Variants in RGS5 observed in about 807,000 individuals in gnomAD.
The protein encoded by RGS5 is regulator of G protein signaling 5.
In RGS5, 20 loss-of-function variants were observed where a neutral mutation model predicts 18.9. The ratio of observed to expected loss-of-function variants is 1.06; its 90% CI spans 0.74 to 1.54. The LOEUF (loss-of-function observed/expected upper bound fraction) is 1.54, where lower values mean the gene tolerates loss of function less well. Ranked by LOEUF, RGS5 falls within the 40% of genes most tolerant of loss-of-function variation. The pLI is 0.00. For missense variants in RGS5, 201 were observed against 211.8 expected (o/e 0.95, Z 0.32); for synonymous variants, 57 against 76.2 (o/e 0.75, Z 1.31).
chr1:163,163,068 T>G (rs1457128663), intron 2 of RGS5, among the ~76,000 whole-genome samples: 2 of 152,076 alleles, frequency 1.3e-5, no homozygotes, highest in Non-Finnish European at 2.9e-5. Flanking sequence ...TTATTCAGAT[T>G]TGCAGCTTTG....
At chr1:163,296,503 A>C (rs1400509073) in intron 2 of RGS5, among the ~76,000 whole-genome samples, 1 of 152,184 alleles carries the variant, frequency 6.6e-6, no homozygotes, top group Non-Finnish European at 1.5e-5. Context: ...GATAAATCAT[A>C]ACAGCTCATG....
At chr1:163,243,517 GGCGCCTGTAGTCCCA>G (rs1428177207) in intron 2 of RGS5, among the ~76,000 whole-genome samples, 2 of 151,580 alleles carry the variant, frequency 1.3e-5, no homozygotes, top group African/African-American at 4.8e-5. Flanking sequence ...CTTGGTGGCG[GGCGCCTGTAGTCCCA>G]GCTACTCGGG....
chr1:163,252,319 T>A (rs182212505), intron 2 of RGS5, among the ~76,000 whole-genome samples: 1 of 152,228 alleles, frequency 6.6e-6, no homozygotes, highest in Non-Finnish European at 1.5e-5. Context: ...TCTTTATATA[T>A]TCTACATAAA....
At chr1:163,188,178 C>G (rs1659174299) in intron 1 of RGS5, among the ~76,000 whole-genome samples, 1 of 152,110 alleles carries the variant, frequency 6.6e-6, no homozygotes, top group South Asian at 2.1e-4. Context: ...GATGGTAGAT[C>G]TGACTCCTGA....
chr1:163,218,604 T>A (rs1270733405), upstream of RGS5, among the ~76,000 whole-genome samples: 2 of 151,578 alleles, frequency 1.3e-5, no homozygotes, highest in Non-Finnish European at 2.9e-5. Context: ...AAAATAAAAA[T>A]AAAAAATAGA....
intron 2 of RGS5, among the ~76,000 whole-genome samples, chr1:163,225,463 T>G (rs902631337): frequency 7.2e-5 from 11 of 152,148 alleles, no homozygotes; most frequent in Non-Finnish European, 1.5e-4. Context: ...TTGAAAATAT[T>G]GACCTTCTGG....
At chr1:163,288,077 A>T (rs1258255553) in intron 2 of RGS5, among the ~76,000 whole-genome samples, 2 of 152,120 alleles carry the variant, frequency 1.3e-5, no homozygotes, top group Non-Finnish European at 2.9e-5. Context: ...TAGAAATTAG[A>T]TAAATTTAAA....
At chr1:163,232,795 C>G (rs1647515248) in intron 2 of RGS5, among the ~76,000 whole-genome samples, 1 of 152,108 alleles carries the variant, frequency 6.6e-6, no homozygotes, top group African/African-American at 2.4e-5. Flanking sequence ...ATTTGAAGAT[C>G]AGCAGAAAAT....
chr1:163,317,826 G>A (rs1188779428), intron 1 of RGS5, among the ~76,000 whole-genome samples: 1 of 150,910 alleles, frequency 6.6e-6, no homozygotes, highest in Non-Finnish European at 1.5e-5. Context: ...ATCAAGCATG[G>A]AGCCAATAAG....
chr1:163,226,232 C>T lies in RGS5; in HGVS notation c.-280-57864G>A, dbSNP rs149012746. Among the ~76,000 whole-genome samples the T allele has an allele frequency of 3.7e-3, 556 of 152,060 alleles. 3 individuals carry two copies. The highest frequency in any genetic ancestry group is 4.1e-3 in the Non-Finnish European group (280 of 67,990). On this transcript the variant is annotated intron_variant, in intron 2 of 5. Coordinates refer to the RGS5 transcript ENST00000618415. Reference sequence around the variant, plus strand: ...ACCGCACCCAGCCAGAGGTCAAAATCGCAAGTAATTTTAAGAGAAAGGATT... The same window carrying T: ...ACCGCACCCAGCCAGAGGTCAAAATTGCAAGTAATTTTAAGAGAAAGGATT...
chr1:163,249,568 A>T (rs1027654151), intron 2 of RGS5, among the ~76,000 whole-genome samples: 1 of 152,254 alleles, frequency 6.6e-6, no homozygotes, highest in Non-Finnish European at 1.5e-5. Context: ...AGGCGAGCGG[A>T]TCACCTGAGG....
chr1:163,155,930 C>T (rs890696667), intron 3 of RGS5, among the ~76,000 whole-genome samples: 4 of 152,104 alleles, frequency 2.6e-5, no homozygotes, highest in Non-Finnish European at 5.9e-5. Flanking sequence ...TTCCAGAGTT[C>T]GCCCTAATGA....
intron 2 of RGS5, among the ~76,000 whole-genome samples, chr1:163,298,763 C>A (rs1357779389): frequency 6.6e-6 from 1 of 152,052 alleles, no homozygotes; most frequent in Non-Finnish European, 1.5e-5. Context: ...CTATCTTCAG[C>A]CACTTAAGGG....
rs559763771 is a variant in RGS5, at chr1:163,185,469, C to T, written c.45-17101G>A. Among the ~76,000 whole-genome samples the T allele has an allele frequency of 9.2e-5, 14 of 152,296 alleles. 1 individual carries two copies. Among genetic ancestry groups the T allele is most frequent in the African/African-American group, 3.4e-4 (14 of 41,558 alleles). The stretch of plus-strand genomic sequence containing the variant: ...AGCTTCCCTTTCACGTAATCATATT[C>T]CATCAAGAGTCCAGTTATCCTCTCA... On this transcript the variant is annotated intron_variant, in intron 1 of 4. Coordinates refer to ENST00000313961, the MANE Select transcript of RGS5 (RefSeq NM_003617.4).
intron 1 of RGS5, among the ~76,000 whole-genome samples, chr1:163,317,793 T>C (rs1230671491): frequency 6.6e-6 from 1 of 152,202 alleles, no homozygotes; most frequent in Admixed American, 6.5e-5. Context: ...ACTTGTTTTT[T>C]ACCCTTTCAA....
At chr1:163,305,661 G>C (rs547074515) in intron 2 of RGS5, among the ~76,000 whole-genome samples, 1 of 152,264 alleles carries the variant, frequency 6.6e-6, no homozygotes, top group Admixed American at 6.5e-5. Context: ...GCTCTCCTAA[G>C]GATTCTCTCT....
chr1:163,147,905 CTTTTTTCTTTTTCT>C (rs1657204617), intron 4 of RGS5, among the ~76,000 whole-genome samples: 2 of 66,208 alleles, frequency 3.0e-5, no homozygotes, highest in African/African-American at 1.4e-4. Context: ...TGTCCTGGTG[CTTTTTTCTTTTTCT>C]TTTTTTTTTT....
intron 2 of RGS5, among the ~76,000 whole-genome samples, chr1:163,275,957 T>C (rs1008109530): frequency 1.3e-5 from 2 of 152,116 alleles, no homozygotes; most frequent in African/African-American, 4.8e-5. Flanking sequence ...GATGCTTAAA[T>C]AGCTCGTAAA....
At chr1:163,164,073 G>A (rs1657928606) in intron 2 of RGS5, among the ~76,000 whole-genome samples, 1 of 152,170 alleles carries the variant, frequency 6.6e-6, no homozygotes, top group Non-Finnish European at 1.5e-5. Context: ...GCCCGCTTGG[G>A]GGTGAAATTG....
Sources: allele counts gnomAD v4.1 joint callset (sites outside exome capture counted in the v4.1 genomes callset), GRCh38; gene constraint gnomAD v4.1.1; transcripts MANE v1.5; gene names NCBI Gene and HGNC (gene_info 2026-07-23, HGNC 2026-07-21).